Variants in ATP6V0A1 observed in about 807,000 individuals in gnomAD.
ATP6V0A1 encodes the protein V-type proton ATPase 116 kDa subunit a 1.
In ATP6V0A1, 43 loss-of-function variants were observed where a neutral mutation model predicts 105.4. The ratio of observed to expected loss-of-function variants is 0.41; its 90% CI spans 0.32 to 0.53. The LOEUF (loss-of-function observed/expected upper bound fraction) is 0.53. ATP6V0A1 is among the 20% of genes least tolerant of loss of function. The probability of loss-of-function intolerance (pLI) is 0.30; values close to 1 mark genes in which losing one functional copy is unlikely to be tolerated. For missense variants in ATP6V0A1, 676 were observed against 1,051.1 expected (o/e 0.64, Z 4.93); for synonymous variants, 362 against 372.8 (o/e 0.97, Z 0.33).
chr17:42,465,129 A>G (rs1567805961), intron 2 of ATP6V0A1, among the ~76,000 whole-genome samples: 2 of 151,728 alleles, frequency 1.3e-5, no homozygotes, highest in African/African-American at 2.4e-5. Context: ...AGTAGCTGGG[A>G]TTACAGGCAT....
intron 18 of ATP6V0A1, among the ~76,000 whole-genome samples, chr17:42,508,260 T>A (rs2092148507): frequency 1.3e-5 from 2 of 152,250 alleles, no homozygotes; most frequent in South Asian, 4.1e-4. Context: ...CATTATGTTC[T>A]TTTTAAAGCA....
At chr17:42,489,527 G>T (rs1051955928) in intron 10 of ATP6V0A1, among the ~76,000 whole-genome samples, 1 of 151,954 alleles carries the variant, frequency 6.6e-6, no homozygotes, top group Non-Finnish European at 1.5e-5. Context: ...CTTGACAATG[G>T]GAAAAAAAAT....
Position 42,470,084 on chromosome 17 carries a change from A to G in ATP6V0A1, c.295-6A>G, listed in dbSNP as rs182612439. On this transcript the variant is annotated splice_region_variant and splice_polypyrimidine_tract_variant and intron_variant, in intron 4 of 21. Transcript: ENST00000343619. ...TTAGCTTAATATATTTTCTTATTTC[A>G]TCTAGGCCAATTTTGAGAAGATTGA... The G allele has an allele frequency of 6.3e-7, 1 of 1,595,630 alleles. No homozygotes were observed. The highest frequency in any genetic ancestry group is 2.2e-5 in the East Asian group (1 of 44,520).
intron 21 of ATP6V0A1, 123 bp downstream of exon 21, chr17:42,514,583 C>T: frequency 9.7e-7 from 1 of 1,033,146 alleles, no homozygotes; most frequent in Non-Finnish European, 1.4e-6. Context: ...TGGCCCTGCA[C>T]TAGCTTCACC....
At chr17:42,500,615 A>G in intron 15 of ATP6V0A1, 92 bp from the exon 16 acceptor site, 1 of 1,013,146 alleles carries the variant, frequency 9.9e-7, no homozygotes, top group Non-Finnish European at 1.5e-6. Context: ...TTGAGGGGGT[A>G]TTAAGTAGAA....
chr17:42,513,411 C>G (rs2092448277), intron 19 of ATP6V0A1: 1 of 162,138 alleles, frequency 6.2e-6, no homozygotes, highest in Non-Finnish European at 1.4e-5. Flanking sequence ...GGTTGAGAGT[C>G]TGTCTCCTGA....
Position 42,521,229 on chromosome 17 carries a change from T to A in ATP6V0A1, c.*109T>A. ...TGATCTGTGGGCACCAGCTCATTCG[T>A]GTCACCCTGTCTGTGAGTCATTTAG... On this transcript the variant is annotated 3_prime_UTR_variant, in exon 22 of 22. Transcript: ENST00000343619. This position sits in a 1 kb window ranked among gnomAD's most constrained non-coding sequence, Gnocchi z 4.8. The A allele has an allele frequency of 1.0e-6, 1 of 956,420 alleles. No homozygotes were observed. The highest frequency in any genetic ancestry group is 1.5e-6 in the Non-Finnish European group (1 of 648,240). 59.2% of individuals were successfully genotyped at this position (956,420 alleles called of 1,614,324 possible).
chr17:42,514,040 T>G, intron 20 of ATP6V0A1, 62 bp downstream of exon 20: 2 of 1,529,138 alleles, frequency 1.3e-6, no homozygotes, highest in South Asian at 2.3e-5. Context: ...CACTGTCAGT[T>G]GGGGGGCTTA....
chr17:42,461,619 A>G (rs1343428650), intron 2 of ATP6V0A1, among the ~76,000 whole-genome samples: 1 of 151,934 alleles, frequency 6.6e-6, no homozygotes, highest in African/African-American at 2.4e-5. Flanking sequence ...CTAAAAATAC[A>G]AAAAAAATTA....
At chr17:42,469,323 CT>C (rs58501978) in intron 4 of ATP6V0A1, among the ~76,000 whole-genome samples, 7,731 of 102,344 alleles carry the variant, frequency 0.076, 198 homozygotes, top group East Asian at 0.12. Context: ...AAAGGAAAGA[CT>C]TTTTTTTTTT....
chr17:42,520,547 C>T, intron 21 of ATP6V0A1: 2 of 456,788 alleles, frequency 4.4e-6, no homozygotes, highest in South Asian at 1.5e-5. Context: ...AATTTCCTTC[C>T]TTAAATGGAA....
intron 1 of ATP6V0A1, chr17:42,460,329 A>G (rs1256238097): frequency 2.6e-5 from 4 of 152,278 alleles, no homozygotes; most frequent in Non-Finnish European, 5.9e-5. Flanking sequence ...TAAACCCTTT[A>G]GTGTAGCCAT....
intron 5 of ATP6V0A1, among the ~76,000 whole-genome samples, chr17:42,476,407 G>A (rs140900863): frequency 7.2e-5 from 11 of 152,232 alleles, no homozygotes; most frequent in African/African-American, 2.4e-4. Context: ...GCTGACAGGG[G>A]TAGAATCAAA....
intron 18 of ATP6V0A1, 54 bp from the exon 19 acceptor site, chr17:42,508,518 T>G: frequency 6.2e-7 from 1 of 1,610,206 alleles, no homozygotes; most frequent in Non-Finnish European, 8.5e-7. Context: ...GCTCCTAACT[T>G]GTGACCTTGT....
intron 2 of ATP6V0A1, among the ~76,000 whole-genome samples, chr17:42,461,574 A>G (rs2086406710): frequency 6.6e-6 from 1 of 152,160 alleles, no homozygotes. Context: ...GGAGTTTGAG[A>G]TCAGTCTGGC....
At position 42,501,216 on chromosome 17, in the gene ATP6V0A1, T is replaced by A; in HGVS notation, c.1916T>A (p.Leu639Gln). The change falls in exon 17 of 22, where the codon CTG (leucine) becomes CAG (glutamine). Residue 639 changes from leucine to glutamine, a missense_variant. By Grantham distance (113) the Leu-to-Gln change is moderately radical. This residue lies in a region of ATP6V0A1 where 435 missense variants were observed against 642.2 expected (regional missense o/e 0.68). Coordinates refer to ENST00000343619, the MANE Select transcript of ATP6V0A1 (RefSeq NM_001130021.3). ...CTGCAGAAAGGAATTCAGTGTTTCC[T>A]GGTAGTGGTTGCACTACTGTGTGTA... ...YSGQKGIQCF[L>Q]VVVALLCVPW... 6.2e-7 allele frequency: 1 copy of A among 1,613,466 alleles called. No individual in the cohort carries two copies. Among genetic ancestry groups the A allele is most frequent in the Non-Finnish European group, 8.5e-7 (1 of 1,179,596 alleles).
At position 42,500,753 on chromosome 17, in the gene ATP6V0A1, A is replaced by C; in HGVS notation, c.1726A>C (p.Ile576Leu). The stretch of plus-strand genomic sequence containing the variant: ...TATCTACTTTGGATTTATTCCTGAA[A>C]TAATCTTCATGACCTCTTTGTTTGG... ...LNIYFGFIPE[I>L]IFMTSLFGYL... The change falls in exon 16 of 22, where the codon ATA becomes CTA. Residue 576 changes from isoleucine to leucine, a missense_variant. Ile to Leu is a conservative substitution (Grantham distance 5). Transcript: ENST00000343619. 1 of 1,614,068 alleles carries C rather than the reference A, an allele frequency of 6.2e-7. No homozygotes were observed. The highest frequency in any genetic ancestry group is 8.5e-7 in the Non-Finnish European group (1 of 1,179,920).
rs2145851317 is a variant in ATP6V0A1 at position 42,480,925 on chromosome 17, A to G, written c.716+176A>G. On this transcript the variant is annotated intron_variant, in intron 8 of 21. Transcript: ENST00000343619. ...ATAGCCTGCATTCATTTTTATTTTTATTTTTGTTGTTCAGATGGGGGGGTC... is the reference window on the plus strand; with the variant it reads ...ATAGCCTGCATTCATTTTTATTTTTGTTTTTGTTGTTCAGATGGGGGGGTC... 3 of 545,386 alleles carry G rather than the reference A, an allele frequency of 5.5e-6. No homozygotes were observed. The East Asian group carries it at 1.2e-4, about 21-fold the overall frequency. The allele number at this position is 545,386 out of a possible 1,614,324, so 33.8% of individuals were successfully genotyped here. A position where few individuals can be genotyped will look rare whatever the true frequency, so the allele number is the denominator to read the frequency against.
At chr17:42,461,592 G>A (rs989975333) in intron 2 of ATP6V0A1, among the ~76,000 whole-genome samples, 3 of 152,090 alleles carry the variant, frequency 2.0e-5, no homozygotes, top group Admixed American at 6.6e-5. Flanking sequence ...GGCCAACATG[G>A]TGAAACCCCG....
Sources: allele counts gnomAD v4.1 joint callset (sites outside exome capture counted in the v4.1 genomes callset), GRCh38; gene constraint gnomAD v4.1.1; regional missense constraint gnomAD v4.1.1; non-coding constraint Gnocchi (gnomAD v3.1); transcripts MANE v1.5; gene names NCBI Gene and HGNC (gene_info 2026-07-23, HGNC 2026-07-21).